The following MAP4K3 variants were observed in gnomAD, a reference collection of about 807,000 sequenced individuals.
MAP4K3 encodes MAPK/ERK kinase kinase kinase 3.
MAP4K3 carries 94 observed loss-of-function variants against 143.5 expected under a neutral mutation model. That is an observed-to-expected ratio of 0.65 (90% confidence interval 0.55 to 0.78). The LOEUF (loss-of-function observed/expected upper bound fraction) is 0.78, where lower values mean the gene tolerates loss of function less well. Among genes scored for constraint, MAP4K3 ranks in the 30% least tolerant of loss-of-function variants. The pLI is 0.00. For synonymous variants in MAP4K3, 416 were observed against 347.2 expected (o/e 1.20, Z -2.20); for missense variants, 1,077 against 1,068.1 (o/e 1.01, Z -0.12).
intron 28 of MAP4K3, among the ~76,000 whole-genome samples, chr2:39,264,412 A>G (rs189723347): frequency 3.4e-4 from 52 of 152,340 alleles, no homozygotes; most frequent in African/African-American, 1.2e-3. Context: ...TAAAACTGAT[A>G]TGAAAACGAA....
intron 4 of MAP4K3, among the ~76,000 whole-genome samples, chr2:39,339,183 G>T (rs1665070932): frequency 6.6e-6 from 1 of 152,148 alleles, no homozygotes; most frequent in Non-Finnish European, 1.5e-5. Flanking sequence ...TTACAATTAT[G>T]AAAGAGAGAA....
At chr2:39,286,792 CTAACT>C (rs1681795077) in intron 21 of MAP4K3, 55 bp downstream of exon 21, 1 of 1,014,310 alleles carries the variant, frequency 9.9e-7, no homozygotes, top group Non-Finnish European at 1.4e-6. Flanking sequence ...AAGCATAAAA[CTAACT>C]TAACAGTTAA....
chr2:39,309,022 A>T (rs955638701), intron 14 of MAP4K3, among the ~76,000 whole-genome samples: 4 of 152,222 alleles, frequency 2.6e-5, no homozygotes, highest in African/African-American at 9.6e-5. Context: ...AAAACAATTA[A>T]GTTTCTCTTA....
At chr2:39,279,767 G>A (rs1224947346) in intron 23 of MAP4K3, among the ~76,000 whole-genome samples, 1 of 151,990 alleles carries the variant, frequency 6.6e-6, no homozygotes, top group Admixed American at 6.6e-5. Context: ...GGGGAACACA[G>A]ACAGCTCCCA....
Position 39,325,793 on chromosome 2 carries a change from G to C in MAP4K3, c.744C>G (p.His248Gln). Reference protein sequence around the residue: ...DKMKWSNSFHHFVKMALTKNP... With the variant: ...DKMKWSNSFHQFVKMALTKNP... ...TTTTGGTAAGTGCCATTTTCACAAA[G>C]TGATGAAAACTATTTGACCTAAGAA... is the stretch of plus-strand genomic sequence containing the variant. Residue 248 changes from histidine (H) to glutamine (Q), a missense_variant, in exon 11 of 34, where the codon CAC becomes CAG. His to Gln is a conservative substitution (Grantham distance 24). Around this residue, in one of 2 missense-constraint regions of MAP4K3, gnomAD observed 864 missense variants for 801.2 expected, o/e 1.08. Transcript: ENST00000263881. The C allele has an allele frequency of 6.2e-7, 1 of 1,608,452 alleles. No individual in the cohort carries two copies. Among genetic ancestry groups the C allele is most frequent in the Non-Finnish European group, 8.5e-7 (1 of 1,177,974 alleles).
At position 39,414,095 on chromosome 2, in the gene MAP4K3, CCTCT is replaced by C. The variant is rs200906079; in HGVS notation, c.96+22793_96+22796del. ...TCTCATAGTTAAACTTGATTTTGTTCCTCTCTGTCTTGATACTTTACAATAAGCA... is the reference window on the plus strand; with the variant it reads ...TCTCATAGTTAAACTTGATTTTGTTCCTGTCTTGATACTTTACAATAAGCA... On this transcript the variant is annotated intron_variant, in intron 1 of 33. Coordinates refer to ENST00000263881, the MANE Select transcript of MAP4K3 (RefSeq NM_003618.4). 2.2e-4 allele frequency among the ~76,000 whole-genome samples: 34 copies of C among 152,206 alleles called. No individual in the cohort carries two copies. In the East Asian group the frequency reaches 6.6e-3, roughly 29 times the overall value.
intron 1 of MAP4K3, among the ~76,000 whole-genome samples, chr2:39,399,001 G>A: frequency 6.8e-6 from 1 of 147,390 alleles, no homozygotes. Flanking sequence ...CTGAGATCAT[G>A]CCATTGCACT....
At chr2:39,391,696 G>C (rs1666664680) in intron 1 of MAP4K3, among the ~76,000 whole-genome samples, 1 of 152,160 alleles carries the variant, frequency 6.6e-6, no homozygotes, top group Non-Finnish European at 1.5e-5. Flanking sequence ...TCAGTTGTGT[G>C]CTGGTAAATG....
At chr2:39,362,092 C>T (rs985794781) in intron 2 of MAP4K3, among the ~76,000 whole-genome samples, 6 of 152,042 alleles carry the variant, frequency 3.9e-5, no homozygotes, top group Non-Finnish European at 8.8e-5. Flanking sequence ...AAAAATTATA[C>T]TTAAATTCAC....
chr2:39,282,524 G>T lies in MAP4K3; in HGVS notation c.1618C>A (p.Pro540Thr). ...TATTTAGTACTTACATGCACTTTAG[G>T]TGTTGGAGGAAGACCATTACTAATA... Reference protein sequence around the residue: ...KPISNGLPPTPKVHMGACFSK... With the variant: ...KPISNGLPPTTKVHMGACFSK... Residue 540 changes from proline (P) to threonine (T), a missense_variant, in exon 22 of 34, where the codon CCT becomes ACT. Physicochemically the swap from Pro to Thr is conservative, Grantham distance 38. Transcript: ENST00000263881. 6.2e-7 allele frequency: 1 copy of T among 1,611,432 alleles called. No homozygotes were observed. Among genetic ancestry groups the T allele is most frequent in the Non-Finnish European group, 8.5e-7 (1 of 1,178,504 alleles).
At chr2:39,302,932 A>G (rs1175805433) in intron 15 of MAP4K3, 1 of 165,248 alleles carries the variant, frequency 6.1e-6, no homozygotes, top group Non-Finnish European at 1.5e-5. Context: ...TTCAGATGGA[A>G]TTTCTAAGAA....
chr2:39,381,675 A>G (rs369328254), intron 1 of MAP4K3, among the ~76,000 whole-genome samples: 1 of 152,188 alleles, frequency 6.6e-6, no homozygotes, highest in Non-Finnish European at 1.5e-5. Flanking sequence ...ATAGGGCTTC[A>G]GTTTCATTCT....
chr2:39,358,533 C>A (rs746047571), intron 2 of MAP4K3, among the ~76,000 whole-genome samples: 1 of 152,150 alleles, frequency 6.6e-6, no homozygotes, highest in Non-Finnish European at 1.5e-5. Context: ...TCAACTGCAG[C>A]CTTCCCATGA....
chr2:39,303,916 T>C (rs1682601379), intron 15 of MAP4K3, among the ~76,000 whole-genome samples: 1 of 151,464 alleles, frequency 6.6e-6, no homozygotes, highest in South Asian at 2.1e-4. Context: ...AGTAAAACTA[T>C]GCAAATTAGA....
At chr2:39,351,040 T>C (rs1396690762) in intron 3 of MAP4K3, among the ~76,000 whole-genome samples, 1 of 152,212 alleles carries the variant, frequency 6.6e-6, no homozygotes, top group Non-Finnish European at 1.5e-5. Flanking sequence ...GTGTTAGGTA[T>C]CATATGTCAC....
Position 39,308,020 on chromosome 2 carries a change from C to A in MAP4K3, c.1057-15G>T. 3 of 1,570,924 alleles carry A rather than the reference C, an allele frequency of 1.9e-6. No homozygotes were observed. The highest frequency in any genetic ancestry group is 2.3e-5 in the East Asian group (1 of 43,166). Reference sequence around the variant, plus strand: ...TCACTGTCGGGCTGTTTAGCAGAGACCAAGAAACCCAAGTTATTTACGCTT... The same window carrying A: ...TCACTGTCGGGCTGTTTAGCAGAGAACAAGAAACCCAAGTTATTTACGCTT... On this transcript the variant is annotated splice_polypyrimidine_tract_variant and intron_variant, in intron 14 of 33. Coordinates refer to ENST00000263881, the MANE Select transcript of MAP4K3 (RefSeq NM_003618.4).
intron 1 of MAP4K3, among the ~76,000 whole-genome samples, chr2:39,397,330 T>C (rs1666836711): frequency 1.3e-5 from 2 of 152,192 alleles, no homozygotes; most frequent in African/African-American, 2.4e-5. Flanking sequence ...TCAATAATCT[T>C]CATATATACA....
intron 1 of MAP4K3, among the ~76,000 whole-genome samples, chr2:39,392,890 T>C (rs967561040): frequency 2.0e-5 from 3 of 152,202 alleles, no homozygotes; most frequent in South Asian, 2.1e-4. Flanking sequence ...TCTTGGACTT[T>C]CCAGCCTCCA....
intron 28 of MAP4K3, among the ~76,000 whole-genome samples, chr2:39,261,896 A>C (rs1343984309): frequency 6.6e-6 from 1 of 152,090 alleles, no homozygotes; most frequent in African/African-American, 2.4e-5. Context: ...GATAGTAAAA[A>C]AAGAGAAAAA....
Sources: gnomAD v4.1 joint callset for allele counts (sites outside exome capture counted in the v4.1 genomes callset) on GRCh38, gnomAD v4.1.1 for gene constraint, gnomAD v4.1.1 regional missense constraint, MANE v1.5 for transcripts, NCBI Gene and HGNC (gene_info 2026-07-23, HGNC 2026-07-21) for gene names.